Variants in LOC122539214 observed in about 807,000 individuals in gnomAD.
chr19:52,675,875 C>G, the LOC122539214 span, among the ~76,000 whole-genome samples: 8 of 152,138 alleles, frequency 5.3e-5, no homozygotes, highest in Non-Finnish European at 1.2e-4. Flanking sequence ...ATACAAATTA[C>G]AATATGGGCA....
the LOC122539214 span, among the ~76,000 whole-genome samples, chr19:52,685,596 C>G: frequency 6.6e-6 from 1 of 152,000 alleles, no homozygotes; most frequent in Non-Finnish European, 1.5e-5. Flanking sequence ...CGAACTGTTT[C>G]AATCAAGAAT....
At chr19:52,666,997 A>C in the LOC122539214 span, among the ~76,000 whole-genome samples, 1 of 152,230 alleles carries the variant, frequency 6.6e-6, no homozygotes, top group Admixed American at 6.5e-5. Flanking sequence ...TTACAGAATC[A>C]GGAAGGAGGC....
the LOC122539214 span, among the ~76,000 whole-genome samples, chr19:52,684,779 A>G: frequency 1.3e-5 from 2 of 151,852 alleles, no homozygotes; most frequent in East Asian, 3.9e-4. Context: ...GAGACAGAAA[A>G]GGTTTTGGTG....
At chr19:52,657,231 C>A in the LOC122539214 span, among the ~76,000 whole-genome samples, 1 of 152,132 alleles carries the variant, frequency 6.6e-6, no homozygotes, top group African/African-American at 2.4e-5. Context: ...TTACGAAGAA[C>A]TACACAGAAA....
the LOC122539214 span, among the ~76,000 whole-genome samples, chr19:52,667,140 C>T: frequency 6.6e-6 from 1 of 150,734 alleles, no homozygotes; most frequent in African/African-American, 2.4e-5. Flanking sequence ...ATGTATTATC[C>T]TAACTTCTAA....
the LOC122539214 span, chr19:52,690,434 G>T: frequency 5.5e-6 from 1 of 181,326 alleles, no homozygotes; most frequent in Non-Finnish European, 1.2e-5. Flanking sequence ...ACAAAACAGC[G>T]AAACTCACCG....
the LOC122539214 span, among the ~76,000 whole-genome samples, chr19:52,673,036 C>T: frequency 1.3e-5 from 2 of 151,978 alleles, no homozygotes; most frequent in Non-Finnish European, 2.9e-5. Flanking sequence ...TGGCTCAAAC[C>T]TATAAGCCCT....
chr19:52,664,033 C>T, the LOC122539214 span, among the ~76,000 whole-genome samples: 498 of 152,298 alleles, frequency 3.3e-3, 5 homozygotes, highest in African/African-American at 0.011. Context: ...TACAGGCAAG[C>T]ATCACCATGC....
chr19:52,654,009 T>G, the LOC122539214 span: 15 of 1,532,844 alleles, frequency 9.8e-6, no homozygotes, highest in Non-Finnish European at 1.4e-5. Flanking sequence ...TACAAGAAAT[T>G]CTTTGGGATG....
chr19:52,671,503 G>T, the LOC122539214 span, among the ~76,000 whole-genome samples: 1 of 151,852 alleles, frequency 6.6e-6, no homozygotes, highest in African/African-American at 2.4e-5. Flanking sequence ...GAATGCAGTG[G>T]CAGGAACACT....
At chr19:52,678,693 T>C in the LOC122539214 span, among the ~76,000 whole-genome samples, 14 of 152,036 alleles carry the variant, frequency 9.2e-5, no homozygotes, top group East Asian at 7.7e-4. Context: ...AATATCTTTG[T>C]AGGCCAGGCA....
chr19:52,665,178 G>C, the LOC122539214 span, among the ~76,000 whole-genome samples: 1 of 152,074 alleles, frequency 6.6e-6, no homozygotes. Flanking sequence ...CAGCTCCAGA[G>C]ACTTTCCTAG....
chr19:52,680,011 C>T, the LOC122539214 span, among the ~76,000 whole-genome samples: 2 of 152,022 alleles, frequency 1.3e-5, no homozygotes, highest in Non-Finnish European at 2.9e-5. Flanking sequence ...GAAGTCCTGT[C>T]GCTACTAAAA....
chr19:52,657,455 CA>C, the LOC122539214 span, among the ~76,000 whole-genome samples: 46 of 151,540 alleles, frequency 3.0e-4, no homozygotes, highest in Non-Finnish European at 5.3e-4. Flanking sequence ...ACTAAAAATA[CA>C]AAGATTAGCT....
the LOC122539214 span, among the ~76,000 whole-genome samples, chr19:52,666,029 T>C: frequency 6.6e-6 from 1 of 150,402 alleles, no homozygotes; most frequent in Admixed American, 6.6e-5. Flanking sequence ...CCGGGCATGG[T>C]GATGGGTGCC....
chr19:52,685,282 G>A, the LOC122539214 span, among the ~76,000 whole-genome samples: 6 of 152,152 alleles, frequency 3.9e-5, no homozygotes, highest in East Asian at 1.9e-4. Flanking sequence ...CATTTTCACC[G>A]AGTTACCCTG....
At chr19:52,656,660 G>A in the LOC122539214 span, among the ~76,000 whole-genome samples, 1 of 152,244 alleles carries the variant, frequency 6.6e-6, no homozygotes, top group East Asian at 1.9e-4. Context: ...AAAGTCAAGA[G>A]ATTAAGACAA....
chr19:52,689,406 A>G, the LOC122539214 span, among the ~76,000 whole-genome samples: 20,681 of 144,402 alleles, frequency 0.14, 1,628 homozygotes, highest in African/African-American at 0.24. Context: ...CCCACTCTCT[A>G]GCACTCCAGA....
At chr19:52,667,826 A>T in the LOC122539214 span, among the ~76,000 whole-genome samples, 1 of 152,246 alleles carries the variant, frequency 6.6e-6, no homozygotes, top group Non-Finnish European at 1.5e-5. Context: ...AAATATGTCT[A>T]CAAGGTTTTA....
Sources: allele counts gnomAD v4.1 joint callset (sites outside exome capture counted in the v4.1 genomes callset), GRCh38; gene constraint gnomAD v4.1.1; transcripts MANE v1.5.